The following FILIP1 variants were observed in gnomAD, a reference collection of about 807,000 sequenced individuals.
FILIP1 encodes filamin A interacting protein 1, also known as filamin-A-interacting protein 1.
A neutral mutation model predicts 102.1 loss-of-function variants in FILIP1; 61 were observed. The observed-to-expected ratio is 0.60, with a 90% CI of 0.49 to 0.74. The LOEUF (loss-of-function observed/expected upper bound fraction) is 0.74. FILIP1 is among the 30% of genes least tolerant of loss of function. The pLI is 0.00. For missense variants in FILIP1, 1,314 were observed against 1,441.2 expected (o/e 0.91, Z 1.43); for synonymous variants, 491 against 526.9 (o/e 0.93, Z 0.93).
intron 1 of FILIP1, among the ~76,000 whole-genome samples, chr6:75,488,431 C>A (rs1417753124): frequency 6.6e-6 from 1 of 151,068 alleles, no homozygotes; most frequent in African/African-American, 2.4e-5. Context: ...AAAACATAGA[C>A]TGACCATTTA....
chr6:75,422,089 G>A (rs182380124), intron 1 of FILIP1, among the ~76,000 whole-genome samples: 63 of 152,070 alleles, frequency 4.1e-4, no homozygotes, highest in African/African-American at 1.5e-3. Context: ...TAACTATCTA[G>A]TAATATACTG....
intron 1 of FILIP1, among the ~76,000 whole-genome samples, chr6:75,473,547 G>T (rs1452661707): frequency 1.3e-5 from 2 of 152,028 alleles, no homozygotes; most frequent in Admixed American, 1.3e-4. Context: ...CTTTGTCTGT[G>T]CTTCCAGCTT....
At chr6:75,474,782 G>T (rs968067082) in intron 1 of FILIP1, among the ~76,000 whole-genome samples, 1 of 152,120 alleles carries the variant, frequency 6.6e-6, no homozygotes. Flanking sequence ...TGTTGGAGGT[G>T]GAGCCTGGTG....
intron 4 of FILIP1, among the ~76,000 whole-genome samples, chr6:75,349,329 G>C (rs1774704508): frequency 6.6e-6 from 1 of 152,064 alleles, no homozygotes; most frequent in African/African-American, 2.4e-5. Flanking sequence ...CTGGTGCCCG[G>C]AGAGTCCCTG....
intron 1 of FILIP1, among the ~76,000 whole-genome samples, chr6:75,422,717 C>A (rs1777507174): frequency 6.6e-6 from 1 of 152,106 alleles, no homozygotes; most frequent in African/African-American, 2.4e-5. Flanking sequence ...GGCTTAACCA[C>A]CTGATAGACA....
At chr6:75,355,746 T>G (rs550216326) in intron 3 of FILIP1, among the ~76,000 whole-genome samples, 5 of 152,302 alleles carry the variant, frequency 3.3e-5, no homozygotes, top group African/African-American at 1.2e-4. Context: ...CTTGATCACC[T>G]TTTTAGTCCC....
intron 2 of FILIP1, among the ~76,000 whole-genome samples, chr6:75,377,712 G>C (rs1775791075): frequency 6.6e-6 from 1 of 152,206 alleles, no homozygotes; most frequent in African/African-American, 2.4e-5. Flanking sequence ...GTGTGTATGT[G>C]TGGATCCTAC....
In FILIP1 at chr6:75,312,513, T is replaced by A. The variant is rs778523737; in HGVS notation, c.3319A>T (p.Thr1107Ser). ...VTAEKEVSTG[T>S]VLRSPRNHLS... ...TGATTCCTGGGAGAGCGAAGGACAG[T>A]GCCGGTGGAAACCTCCTTTTCGGCT... The change falls in exon 5 of 6, where the codon ACT becomes TCT. Residue 1107 changes from threonine (T) to serine (S), a missense_variant. Thr to Ser is a moderately conservative substitution (Grantham distance 58). This residue lies in a region of FILIP1 where 816 missense variants were observed against 913.1 expected (regional missense o/e 0.89). Coordinates refer to ENST00000237172, the MANE Select transcript of FILIP1 (RefSeq NM_015687.5). 1 of 1,614,074 alleles carries A rather than the reference T, an allele frequency of 6.2e-7. No homozygotes were observed. Among genetic ancestry groups the A allele is most frequent in the African/African-American group, 1.3e-5 (1 of 74,922 alleles).
At chr6:75,398,319 A>T (rs963332670) in intron 2 of FILIP1, among the ~76,000 whole-genome samples, 2 of 152,136 alleles carry the variant, frequency 1.3e-5, no homozygotes, top group Non-Finnish European at 2.9e-5. Context: ...AGTAATTATG[A>T]GGTCGTTTTA....
chr6:75,422,619 C>CA (rs1362528173), intron 1 of FILIP1, among the ~76,000 whole-genome samples: 2 of 152,118 alleles, frequency 1.3e-5, no homozygotes, highest in African/African-American at 4.8e-5. Context: ...TCAGCAGTCT[C>CA]TATTTGCTGA....
chr6:75,491,363 G>C (rs564755028), intron 1 of FILIP1, among the ~76,000 whole-genome samples: 1 of 152,278 alleles, frequency 6.6e-6, no homozygotes, highest in South Asian at 2.1e-4. Flanking sequence ...AAGTTAAGTA[G>C]GTGCCAGATG....
intron 6 of FILIP1, chr6:75,296,511 A>G (rs1582299484): frequency 2.0e-5 from 3 of 146,346 alleles, no homozygotes; most frequent in Admixed American, 2.0e-4. Flanking sequence ...TATTATTATT[A>G]TTATTTTAGG....
At chr6:75,323,737 A>T (rs1773738117) in intron 4 of FILIP1, among the ~76,000 whole-genome samples, 1 of 152,226 alleles carries the variant, frequency 6.6e-6, no homozygotes, top group Non-Finnish European at 1.5e-5. Context: ...AAAGGAAGTG[A>T]CATGGTTTGG....
chr6:75,378,141 T>G (rs2149636798), intron 2 of FILIP1, among the ~76,000 whole-genome samples: 1 of 152,330 alleles, frequency 6.6e-6, no homozygotes, highest in East Asian at 1.9e-4. Flanking sequence ...ATAAAAACTG[T>G]TACTTAATTA....
intron 4 of FILIP1, among the ~76,000 whole-genome samples, chr6:75,336,417 G>A (rs1449359094): frequency 2.0e-5 from 3 of 152,018 alleles, no homozygotes; most frequent in African/African-American, 7.2e-5. Flanking sequence ...TATATAATAT[G>A]TTTCTGCACA....
intron 1 of FILIP1, among the ~76,000 whole-genome samples, chr6:75,441,580 C>T (rs1180703138): frequency 6.6e-6 from 1 of 150,904 alleles, no homozygotes; most frequent in African/African-American, 2.5e-5. Context: ...CCCCTCTCCT[C>T]CCGGACGGGG....
chr6:75,466,874 G>C (rs188969678), intron 1 of FILIP1, among the ~76,000 whole-genome samples: 1 of 152,112 alleles, frequency 6.6e-6, no homozygotes, highest in African/African-American at 2.4e-5. Context: ...AGCCACATGT[G>C]GTTACTGTAT....
At position 75,437,206 on chromosome 6, in the gene FILIP1, G is replaced by A. The variant is rs116443529; in HGVS notation, c.-6-22228C>T. 3.4e-3 allele frequency among the ~76,000 whole-genome samples: 518 copies of A among 152,282 alleles called. 7 individuals are homozygous for A. Among genetic ancestry groups the A allele is most frequent in the African/African-American group, 0.012 (499 of 41,562 alleles). ...TGCCTCAGTCCACAGTATTATGGCTGGTTCAAAGCAGACAGAATAGCATGG... is the reference window on the plus strand; with the variant it reads ...TGCCTCAGTCCACAGTATTATGGCTAGTTCAAAGCAGACAGAATAGCATGG... On this transcript the variant is annotated intron_variant, in intron 1 of 5. Transcript: ENST00000237172.
chr6:75,319,232 C>T lies in FILIP1; in HGVS notation c.630-4030G>A, dbSNP rs185105682. 583 of 734,324 alleles carry T rather than the reference C, an allele frequency of 7.9e-4. 1 individual carries two copies. In the African/African-American group the frequency reaches 9.2e-3, roughly 12 times the overall value. 45.5% of individuals were successfully genotyped at this position (734,324 alleles called of 1,614,324 possible). On this transcript the variant is annotated intron_variant, in intron 4 of 5. Coordinates refer to ENST00000237172, the MANE Select transcript of FILIP1 (RefSeq NM_015687.5). ...TCCTTCAGCTTCGCAGCCTTCTTTT[C>T]ATAAGGCTGCTTGTCATCTGCAACA...
Sources: allele counts gnomAD v4.1 joint callset (sites outside exome capture counted in the v4.1 genomes callset), GRCh38; gene constraint gnomAD v4.1.1; regional missense constraint gnomAD v4.1.1; transcripts MANE v1.5; gene names NCBI Gene and HGNC (gene_info 2026-07-23, HGNC 2026-07-21).